The following MAP2K4 variants were observed in gnomAD, a reference collection of about 807,000 sequenced individuals.
MAP2K4 encodes mitogen-activated protein kinase kinase 4, also known as dual specificity mitogen-activated protein kinase kinase 4.
A neutral mutation model predicts 48.5 loss-of-function variants in MAP2K4; 4 were observed. The ratio of observed to expected loss-of-function variants is 0.08; its 90% CI spans 0.04 to 0.19. The LOEUF is 0.19. Among genes scored for constraint, MAP2K4 ranks in the 10% least tolerant of loss-of-function variants. The pLI is 1.00. For missense variants in MAP2K4, 258 were observed against 493.3 expected (o/e 0.52, Z 4.52); for synonymous variants, 166 against 173.1 (o/e 0.96, Z 0.32).
intron 2 of MAP2K4, among the ~76,000 whole-genome samples, chr17:12,078,780 A>C (rs545774428): frequency 3.3e-5 from 5 of 152,250 alleles, no homozygotes; most frequent in African/African-American, 1.2e-4. Flanking sequence ...GATTGACTCC[A>C]GAGTTTAATG....
At chr17:12,048,637 TTTTC>T (rs1194683087) in intron 1 of MAP2K4, among the ~76,000 whole-genome samples, 1 of 152,018 alleles carries the variant, frequency 6.6e-6, no homozygotes, top group Non-Finnish European at 1.5e-5. Context: ...TAACATCTCT[TTTTC>T]TTTATTTATT....
chr17:12,130,352 C>G (rs550943318), intron 9 of MAP2K4, among the ~76,000 whole-genome samples: 1 of 152,196 alleles, frequency 6.6e-6, no homozygotes, highest in East Asian at 1.9e-4. Flanking sequence ...GCTGCTTCCT[C>G]CTTTTAAAAA....
At chr17:12,124,602 G>A (rs1008129449) in intron 7 of MAP2K4, 3 of 151,960 alleles carry the variant, frequency 2.0e-5, no homozygotes, top group African/African-American at 4.8e-5. Flanking sequence ...TTTAAAAATC[G>A]AAGACAGTCT....
intron 1 of MAP2K4, among the ~76,000 whole-genome samples, chr17:12,047,676 G>A (rs774813416): frequency 2.6e-5 from 4 of 152,126 alleles, no homozygotes; most frequent in Admixed American, 6.5e-5. Flanking sequence ...TGGTTTAAAC[G>A]CTATCAAACA....
rs1180759126 is a variant in MAP2K4, at chr17:12,142,904, C to T, written c.*1644C>T. The T allele has an allele frequency of 8.6e-6, 2 of 232,636 alleles. No individual in the cohort carries two copies. The highest frequency in any genetic ancestry group is 6.0e-5 in the East Asian group (1 of 16,552). The allele number at this position is 232,636 out of a possible 1,614,324, so 14.4% of individuals were successfully genotyped here. A position where few individuals can be genotyped will look rare whatever the true frequency, so the allele number is the denominator to read the frequency against. ...TCATGGCCTGAGATGCAGGTGATGC[C>T]ATTACAGAACCAAATCGTGGCACGT... On this transcript the variant is annotated 3_prime_UTR_variant, in exon 11 of 11. Coordinates refer to ENST00000353533, the MANE Select transcript of MAP2K4 (RefSeq NM_003010.4).
intron 5 of MAP2K4, among the ~76,000 whole-genome samples, chr17:12,108,147 C>A (rs535959266): frequency 6.6e-6 from 1 of 152,130 alleles, no homozygotes; most frequent in Non-Finnish European, 1.5e-5. Flanking sequence ...ACAGACTGTT[C>A]TGTAAATAAA....
intron 2 of MAP2K4, among the ~76,000 whole-genome samples, chr17:12,080,451 T>C (rs971704088): frequency 5.3e-5 from 8 of 152,108 alleles, no homozygotes; most frequent in African/African-American, 1.9e-4. Context: ...ACATTTTTCA[T>C]TGGATTTACT....
intron 1 of MAP2K4, chr17:12,021,287 G>A (rs1598005835): frequency 4.6e-6 from 1 of 215,340 alleles, no homozygotes; most frequent in Non-Finnish European, 9.1e-6. Flanking sequence ...GTCCGGGACC[G>A]CCCCCGCGGC....
intron 4 of MAP2K4, among the ~76,000 whole-genome samples, chr17:12,096,266 A>C (rs1289499114): frequency 6.6e-6 from 1 of 152,046 alleles, no homozygotes; most frequent in Non-Finnish European, 1.5e-5. Context: ...TTTGTGTAGA[A>C]ACTAAAGCTC....
chr17:12,091,724 T>C (rs1971569240), intron 3 of MAP2K4, among the ~76,000 whole-genome samples: 1 of 152,170 alleles, frequency 6.6e-6, no homozygotes, highest in Non-Finnish European at 1.5e-5. Context: ...GGCATTTACC[T>C]GCTTTATTGG....
rs887876452 is a variant in MAP2K4, at chr17:12,092,284, G to C, written c.394-3291G>C. On this transcript the variant is annotated intron_variant, in intron 3 of 10. Coordinates refer to ENST00000353533, the MANE Select transcript of MAP2K4 (RefSeq NM_003010.4). ...TTGCTTCTGAACATTATGATTATGA[G>C]GATTTCAAGTCATATAATTGGCGTC... 2.6e-5 allele frequency among the ~76,000 whole-genome samples: 4 copies of C among 152,128 alleles called. No homozygotes were observed. In the East Asian group the frequency reaches 7.7e-4, roughly 29 times the overall value.
chr17:12,076,666 T>C (rs1971021802), intron 2 of MAP2K4, among the ~76,000 whole-genome samples: 1 of 152,142 alleles, frequency 6.6e-6, no homozygotes, highest in African/African-American at 2.4e-5. Flanking sequence ...TCGCAAAAGT[T>C]AGGACCATTC....
At chr17:12,074,946 G>GT (rs1465185138) in intron 2 of MAP2K4, among the ~76,000 whole-genome samples, 2 of 152,000 alleles carry the variant, frequency 1.3e-5, no homozygotes, top group African/African-American at 2.4e-5. Flanking sequence ...TATTCTGTCT[G>GT]TTTTTTTCAG....
intron 2 of MAP2K4, among the ~76,000 whole-genome samples, chr17:12,079,226 G>A (rs1274971325): frequency 6.6e-6 from 1 of 152,056 alleles, no homozygotes; most frequent in African/African-American, 2.4e-5. Flanking sequence ...GTATCACTTC[G>A]CTTTCAACTT....
intron 2 of MAP2K4, among the ~76,000 whole-genome samples, chr17:12,077,950 CTCTT>C (rs1441258686): frequency 6.6e-6 from 1 of 152,174 alleles, no homozygotes; most frequent in African/African-American, 2.4e-5. Context: ...TCTGTGGTCT[CTCTT>C]CTTGTAAGGA....
intron 3 of MAP2K4, among the ~76,000 whole-genome samples, chr17:12,092,158 A>G (rs1971583501): frequency 6.6e-6 from 1 of 152,192 alleles, no homozygotes; most frequent in Non-Finnish European, 1.5e-5. Context: ...TGCCAGGGAA[A>G]AAAAGGTTTG....
intron 1 of MAP2K4, among the ~76,000 whole-genome samples, chr17:12,047,570 G>T (rs900916880): frequency 2.0e-5 from 3 of 152,228 alleles, no homozygotes; most frequent in Non-Finnish European, 2.9e-5. Context: ...AATTAGGAAG[G>T]ATCCTGGATT....
At chr17:12,117,107 C>T (rs1972527092) in intron 7 of MAP2K4, among the ~76,000 whole-genome samples, 1 of 152,066 alleles carries the variant, frequency 6.6e-6, no homozygotes, top group African/African-American at 2.4e-5. Context: ...ATGGATGTGC[C>T]AAACCACCTG....
At chr17:12,035,752 C>G (rs934920023) in intron 1 of MAP2K4, among the ~76,000 whole-genome samples, 1 of 152,142 alleles carries the variant, frequency 6.6e-6, no homozygotes, top group African/African-American at 2.4e-5. Flanking sequence ...AATTAGATAT[C>G]ATTCAAGTCT....
Sources: allele counts gnomAD v4.1 joint callset (sites outside exome capture counted in the v4.1 genomes callset), GRCh38; gene constraint gnomAD v4.1.1; transcripts MANE v1.5; gene names NCBI Gene and HGNC (gene_info 2026-07-23, HGNC 2026-07-21).